EIF2B3: variants seen among roughly 807,000 people sequenced by gnomAD.
EIF2B3 encodes the protein translation initiation factor eIF2B subunit gamma.
A neutral mutation model predicts 54.1 loss-of-function variants in EIF2B3; 20 were observed. The ratio of observed to expected loss-of-function variants is 0.37; its 90% CI spans 0.26 to 0.54. EIF2B3 has a LOEUF of 0.54. Ranked by LOEUF, EIF2B3 falls within the 20% of genes least tolerant of loss-of-function variation. The pLI, the probability that EIF2B3 is intolerant of heterozygous loss-of-function variation, is 0.86. For missense variants in EIF2B3, 448 were observed against 547.8 expected (o/e 0.82, Z 1.82); for synonymous variants, 153 against 188.1 (o/e 0.81, Z 1.52).
chr1:44,929,480 G>A (rs931828188), intron 4 of EIF2B3, among the ~76,000 whole-genome samples: 1 of 152,052 alleles, frequency 6.6e-6, no homozygotes, highest in South Asian at 2.1e-4. Context: ...TATATGTTGG[G>A]GTTTTTTAGT....
At chr1:44,888,396 A>C (rs769299116) in intron 6 of EIF2B3, among the ~76,000 whole-genome samples, 4 of 152,138 alleles carry the variant, frequency 2.6e-5, no homozygotes, top group Non-Finnish European at 5.9e-5. Flanking sequence ...AGGGCCGCTC[A>C]GGGAAGGGGA....
intron 5 of EIF2B3, among the ~76,000 whole-genome samples, chr1:44,907,265 A>G (rs572890146): frequency 1.3e-5 from 2 of 152,322 alleles, no homozygotes; most frequent in South Asian, 4.1e-4. Flanking sequence ...CCTGCTTAAA[A>G]TGCTTTGGTA....
At chr1:44,962,528 AG>A (rs917360343) in intron 3 of EIF2B3, among the ~76,000 whole-genome samples, 42 of 152,192 alleles carry the variant, frequency 2.8e-4, no homozygotes, top group African/African-American at 9.9e-4. Flanking sequence ...CTCCCTCTTC[AG>A]CTTCCCAAGT....
At chr1:44,965,634 CTTT>C (rs386366856) in intron 3 of EIF2B3, among the ~76,000 whole-genome samples, 6 of 102,402 alleles carry the variant, frequency 5.9e-5, no homozygotes, top group Admixed American at 2.4e-4. Flanking sequence ...ACAAATGCAT[CTTT>C]TTTTTTTTTT....
rs776029422 is a variant in EIF2B3 at position 44,850,915 on chromosome 1, G to T, written c.*36C>A. 3 of 1,612,820 alleles carry T rather than the reference G, an allele frequency of 1.9e-6. No individual in the cohort carries two copies. In the East Asian group the frequency reaches 6.7e-5, roughly 36 times the overall value. Reference sequence around the variant, plus strand: ...TGGGCCGGCCAACATCTGTGGCTTTGGAGGCCAAAAGGAAGGAGTCTGACT... The same window carrying T: ...TGGGCCGGCCAACATCTGTGGCTTTTGAGGCCAAAAGGAAGGAGTCTGACT... On this transcript the variant is annotated 3_prime_UTR_variant, in exon 12 of 12. Transcript: ENST00000360403.
intron 4 of EIF2B3, among the ~76,000 whole-genome samples, chr1:44,932,965 C>T (rs903454173): frequency 3.9e-5 from 6 of 152,056 alleles, no homozygotes; most frequent in African/African-American, 7.2e-5. Context: ...AAGAAGAAAA[C>T]GTGAGGTTCA....
chr1:44,878,755 C>A (rs1322114420), intron 8 of EIF2B3, among the ~76,000 whole-genome samples: 1 of 151,122 alleles, frequency 6.6e-6, no homozygotes, highest in Non-Finnish European at 1.5e-5. Flanking sequence ...TTTTCCTATC[C>A]TCTTTTTTTT....
chr1:44,984,208 C>T (rs916440441), intron 1 of EIF2B3, among the ~76,000 whole-genome samples: 1 of 150,980 alleles, frequency 6.6e-6, no homozygotes, highest in African/African-American at 2.4e-5. Context: ...TAAAAAAGAG[C>T]CAAAAGAGCG....
At chr1:44,894,627 G>A (rs1655904870) in intron 6 of EIF2B3, among the ~76,000 whole-genome samples, 1 of 152,070 alleles carries the variant, frequency 6.6e-6, no homozygotes, top group South Asian at 2.1e-4. Context: ...ACACAGGGTA[G>A]AATATGTTAA....
At chr1:44,948,077 G>A (rs1177330603) in intron 3 of EIF2B3, among the ~76,000 whole-genome samples, 1 of 152,126 alleles carries the variant, frequency 6.6e-6, no homozygotes, top group Non-Finnish European at 1.5e-5. Context: ...TAAAATGCTT[G>A]GAAAAGATTC....
intron 4 of EIF2B3, among the ~76,000 whole-genome samples, chr1:44,929,812 T>C (rs1320343326): frequency 2.6e-5 from 4 of 152,240 alleles, no homozygotes; most frequent in South Asian, 2.1e-4. Flanking sequence ...TGTTGCACTT[T>C]AGTCATTTTT....
At chr1:44,878,941 T>G (rs558842022) in intron 8 of EIF2B3, among the ~76,000 whole-genome samples, 79 of 151,514 alleles carry the variant, frequency 5.2e-4, no homozygotes, top group Middle Eastern at 6.8e-3. Context: ...GTAGTATTTT[T>G]GTAGAGACAG....
chr1:44,953,941 C>T (rs7529213), intron 3 of EIF2B3, among the ~76,000 whole-genome samples: 27,081 of 152,136 alleles, frequency 0.18, 2,524 homozygotes, highest in African/African-American at 0.2. Flanking sequence ...ATGCAAGAGA[C>T]AGACCTAAAT....
chr1:44,889,104 T>C (rs183532239), intron 6 of EIF2B3, among the ~76,000 whole-genome samples: 2 of 152,316 alleles, frequency 1.3e-5, no homozygotes, highest in Non-Finnish European at 2.9e-5. Context: ...TGTTAGTTGA[T>C]TATCTTTCCC....
chr1:44,854,918 T>C (rs551413071), intron 11 of EIF2B3, among the ~76,000 whole-genome samples: 7 of 152,086 alleles, frequency 4.6e-5, no homozygotes, highest in African/African-American at 1.7e-4. Flanking sequence ...GATGAATGTT[T>C]TTTCCTGAAA....
At position 44,904,714 on chromosome 1, in the gene EIF2B3, C is replaced by T. The variant is rs539092963; in HGVS notation, c.567-7270G>A. Among the ~76,000 whole-genome samples, 55 of 152,088 alleles carry T rather than the reference C, an allele frequency of 3.6e-4. 1 individual carries two copies. Among genetic ancestry groups the T allele is most frequent in the Non-Finnish European group, 4.9e-4 (33 of 68,014 alleles). On this transcript the variant is annotated intron_variant, in intron 5 of 11. Transcript: ENST00000360403. ...ATTTTTAGTAGAGATGGGGTTTCAC[C>T]GTGTTAGCCAGGATGGTCTCGATCT...
intron 8 of EIF2B3, among the ~76,000 whole-genome samples, chr1:44,879,083 C>T (rs1230155526): frequency 1.3e-5 from 2 of 152,048 alleles, no homozygotes; most frequent in Admixed American, 6.6e-5. Context: ...CTCATCTAAA[C>T]CCTTTACTGC....
intron 5 of EIF2B3, among the ~76,000 whole-genome samples, chr1:44,898,969 G>T (rs946096838): frequency 4.6e-5 from 7 of 152,154 alleles, no homozygotes; most frequent in Admixed American, 1.3e-4. Context: ...TAGGACCACA[G>T]GAGCAAGCTG....
At chr1:44,864,335 C>T (rs527530921) in intron 10 of EIF2B3, among the ~76,000 whole-genome samples, 8 of 152,086 alleles carry the variant, frequency 5.3e-5, no homozygotes, top group South Asian at 4.2e-4. Flanking sequence ...GAGGCTGAGG[C>T]GGGTGGATCA....
Sources: allele counts gnomAD v4.1 joint callset (sites outside exome capture counted in the v4.1 genomes callset), GRCh38; gene constraint gnomAD v4.1.1; transcripts MANE v1.5; gene names NCBI Gene and HGNC (gene_info 2026-07-23, HGNC 2026-07-21).